Variants in EBF1 observed in about 807,000 individuals in gnomAD.
EBF1 encodes the protein transcription factor COE1.
In EBF1, 10 loss-of-function variants were observed where a neutral mutation model predicts 68.4. The ratio of observed to expected loss-of-function variants is 0.15; its 90% confidence interval spans 0.09 to 0.25. The LOEUF is 0.25. Ranked by LOEUF, EBF1 falls within the 10% of genes least tolerant of loss-of-function variation. The probability of loss-of-function intolerance (pLI) is 1.00; values close to 1 mark genes in which losing one functional copy is unlikely to be tolerated. For missense variants in EBF1, 509 were observed against 794.4 expected (o/e 0.64, Z 4.32); for synonymous variants, 298 against 299.8 (o/e 0.99, Z 0.06).
At chr5:158,968,902 C>T (rs1754729374) in intron 6 of EBF1, among the ~76,000 whole-genome samples, 1 of 152,156 alleles carries the variant, frequency 6.6e-6, no homozygotes, top group Non-Finnish European at 1.5e-5. Context: ...AGCACCCCTC[C>T]CAGCCCAGAA....
At chr5:158,839,400 T>TG (rs1215854633) in intron 7 of EBF1, among the ~76,000 whole-genome samples, 2 of 152,088 alleles carry the variant, frequency 1.3e-5, no homozygotes, top group East Asian at 3.9e-4. Context: ...TTTGTTTTGG[T>TG]GGGGGGTATA....
chr5:159,000,403 C>T (rs560552253), intron 6 of EBF1, among the ~76,000 whole-genome samples: 61 of 152,218 alleles, frequency 4.0e-4, no homozygotes, highest in African/African-American at 1.4e-3. Flanking sequence ...CCAGATAAAG[C>T]ATTTGTGCAA....
chr5:158,788,330 G>A (rs1339677372), intron 9 of EBF1, among the ~76,000 whole-genome samples: 1 of 152,162 alleles, frequency 6.6e-6, no homozygotes, highest in Non-Finnish European at 1.5e-5. Context: ...AAAGGGCAGA[G>A]GGATATGGGC....
chr5:158,990,484 A>T (rs566948004), intron 6 of EBF1, among the ~76,000 whole-genome samples: 1 of 152,360 alleles, frequency 6.6e-6, no homozygotes, highest in East Asian at 1.9e-4. Flanking sequence ...TAAGGTTGTG[A>T]TACCAAAGAG....
intron 6 of EBF1, among the ~76,000 whole-genome samples, chr5:158,853,520 A>G (rs2128004668): frequency 6.6e-6 from 1 of 152,342 alleles, no homozygotes; most frequent in East Asian, 1.9e-4. Context: ...TTCATATTCC[A>G]CCTTGTAGAG....
At chr5:158,763,228 C>T (rs1771900557) in intron 10 of EBF1, among the ~76,000 whole-genome samples, 2 of 152,150 alleles carry the variant, frequency 1.3e-5, no homozygotes, top group South Asian at 4.1e-4. Flanking sequence ...CAAAAGTCTC[C>T]ACTGGGCATT....
intron 6 of EBF1, among the ~76,000 whole-genome samples, chr5:159,024,436 AG>A (rs1368069474): frequency 6.6e-6 from 1 of 152,202 alleles, no homozygotes; most frequent in Non-Finnish European, 1.5e-5. Context: ...AGCCCTTGAC[AG>A]TCCTATCGAA....
chr5:158,856,391 CA>C lies in EBF1; in HGVS notation c.555-16282del, dbSNP rs537554623. 2.1e-3 allele frequency among the ~76,000 whole-genome samples: 315 copies of C among 152,292 alleles called. 1 individual carries two copies. The highest frequency in any genetic ancestry group is 2.4e-3 in the Non-Finnish European group (161 of 68,030). On this transcript the variant is annotated intron_variant, in intron 6 of 15. Transcript: ENST00000313708. ...GATGATAAATTGTTCTCAAAGTGAA[CA>C]GCCTGGGAAAATATGGGATTTTATG...
chr5:158,719,601 G>A (rs369598732), intron 11 of EBF1, among the ~76,000 whole-genome samples: 1 of 152,016 alleles, frequency 6.6e-6, no homozygotes, highest in East Asian at 1.9e-4. Context: ...GAAGGGAAAG[G>A]TTGTCTAACT....
chr5:158,966,918 G>T (rs985737892), intron 6 of EBF1, among the ~76,000 whole-genome samples: 14 of 152,258 alleles, frequency 9.2e-5, no homozygotes, highest in Non-Finnish European at 2.9e-5. Context: ...TACTTAAGCA[G>T]ATAGTGAAGG....
chr5:158,975,354 A>G (rs189558824), intron 6 of EBF1, among the ~76,000 whole-genome samples: 4 of 152,238 alleles, frequency 2.6e-5, no homozygotes, highest in Admixed American at 2.6e-4. Context: ...ACAAGAAAAC[A>G]AAAGACTTTC....
chr5:158,861,359 C>G (rs2128031658), intron 6 of EBF1, among the ~76,000 whole-genome samples: 1 of 152,312 alleles, frequency 6.6e-6, no homozygotes, highest in African/African-American at 2.4e-5. Context: ...TAGAGACTTG[C>G]TGATCAGCAA....
intron 6 of EBF1, among the ~76,000 whole-genome samples, chr5:158,941,440 GTCC>G (rs971038136): frequency 6.6e-6 from 1 of 152,088 alleles, no homozygotes; most frequent in Non-Finnish European, 1.5e-5. Flanking sequence ...TCCTGTCTCT[GTCC>G]TCCTCCTAAA....
chr5:159,016,072 T>C (rs559439031), intron 6 of EBF1, among the ~76,000 whole-genome samples: 39 of 152,348 alleles, frequency 2.6e-4, no homozygotes, highest in Non-Finnish European at 5.3e-4. Flanking sequence ...GGGTAGAGAC[T>C]GTCAAGTGTT....
intron 7 of EBF1, 122 bp from the exon 8 acceptor site, chr5:158,823,439 AC>A: frequency 1.1e-6 from 1 of 908,882 alleles, no homozygotes; most frequent in Non-Finnish European, 1.6e-6. Context: ...TCACATAATA[AC>A]TGGTGCTTAT....
chr5:158,769,117 C>T (rs1282700477), intron 10 of EBF1, among the ~76,000 whole-genome samples: 2 of 152,156 alleles, frequency 1.3e-5, no homozygotes, highest in African/African-American at 4.8e-5. Flanking sequence ...TCCTTAATAA[C>T]CAAATCTCAT....
At chr5:158,967,203 T>C (rs1754356298) in intron 6 of EBF1, among the ~76,000 whole-genome samples, 2 of 152,216 alleles carry the variant, frequency 1.3e-5, no homozygotes, top group Admixed American at 6.5e-5. Context: ...GCACTGTACA[T>C]GCAGTAGTGC....
chr5:159,002,568 G>A (rs944203970), intron 6 of EBF1, among the ~76,000 whole-genome samples: 1 of 152,154 alleles, frequency 6.6e-6, no homozygotes, highest in Non-Finnish European at 1.5e-5. Flanking sequence ...CCAGGCTTAT[G>A]TTTAAAAATC....
At chr5:158,837,238 C>T (rs1256462577) in intron 7 of EBF1, among the ~76,000 whole-genome samples, 3 of 152,302 alleles carry the variant, frequency 2.0e-5, no homozygotes, top group East Asian at 3.9e-4. Context: ...AGTGACACTG[C>T]TAAACATCCT....
Sources: gnomAD v4.1 joint callset for allele counts (sites outside exome capture counted in the v4.1 genomes callset) on GRCh38, gnomAD v4.1.1 for gene constraint, MANE v1.5 for transcripts, NCBI Gene and HGNC (gene_info 2026-07-23, HGNC 2026-07-21) for gene names.